Variants in CEP89 observed in about 807,000 individuals in gnomAD.
CEP89 encodes the protein centrosomal protein of 89 kDa.
CEP89 carries 95 observed loss-of-function variants against 97.6 expected under a neutral mutation model. The observed-to-expected ratio is 0.97, with a 90% CI of 0.82 to 1.15. The LOEUF is 1.15. Ranked by LOEUF, CEP89 falls within the 50% of genes most tolerant of loss-of-function variation. The pLI, the probability that CEP89 is intolerant of heterozygous loss-of-function variation, is 0.00. For synonymous variants in CEP89, 354 were observed against 349.1 expected (o/e 1.01, Z -0.16); for missense variants, 869 against 947.7 (o/e 0.92, Z 1.09).
At chr19:32,945,920 C>T (rs576300147) in intron 5 of CEP89, among the ~76,000 whole-genome samples, 9 of 152,240 alleles carry the variant, frequency 5.9e-5, no homozygotes, top group African/African-American at 1.7e-4. Context: ...CTTGGCCACC[C>T]GGCAGGCCAC....
chr19:32,916,549 C>T (rs1263484133), intron 13 of CEP89, among the ~76,000 whole-genome samples: 1 of 152,174 alleles, frequency 6.6e-6, no homozygotes, highest in East Asian at 1.9e-4. Context: ...ATTCTCCTTC[C>T]CTTTCGTCAT....
intron 17 of CEP89, among the ~76,000 whole-genome samples, chr19:32,885,491 C>T (rs944830634): frequency 1.3e-5 from 2 of 148,426 alleles, no homozygotes; most frequent in African/African-American, 5.3e-5. Flanking sequence ...TGGCTAATTG[C>T]TGTATTTTTT....
intron 12 of CEP89, among the ~76,000 whole-genome samples, chr19:32,922,038 A>T (rs749722772): frequency 2.6e-5 from 4 of 152,188 alleles, no homozygotes; most frequent in Non-Finnish European, 5.9e-5. Flanking sequence ...TAGGCTTTTC[A>T]AGACATGTAC....
rs1191698444 is a variant in CEP89 at position 32,879,119 on chromosome 19, C to A, written c.*43G>T. 6.6e-7 allele frequency: 1 copy of A among 1,509,528 alleles called. No individual in the cohort carries two copies. Among genetic ancestry groups the A allele is most frequent in the African/African-American group, 1.4e-5 (1 of 72,694 alleles). The allele number at this position is 1,509,528 out of a possible 1,614,324, so 93.5% of individuals were successfully genotyped here. On this transcript the variant is annotated 3_prime_UTR_variant, in exon 19 of 19. Coordinates refer to ENST00000305768, the MANE Select transcript of CEP89 (RefSeq NM_032816.5). ...GCAGGGAAGGCCTGTGTGAGGCAGA[C>A]CTTTCAGGCCAGAGGAGGCTACACC...
At chr19:32,929,696 G>C (rs904629085) in intron 9 of CEP89, among the ~76,000 whole-genome samples, 1 of 152,160 alleles carries the variant, frequency 6.6e-6, no homozygotes, top group African/African-American at 2.4e-5. Context: ...CAGGGCAGAA[G>C]ACAACATGGG....
intron 17 of CEP89, among the ~76,000 whole-genome samples, chr19:32,883,952 T>C (rs1312063770): frequency 1.3e-5 from 2 of 152,212 alleles, no homozygotes; most frequent in African/African-American, 2.4e-5. Flanking sequence ...CTGTGTTATT[T>C]AGCGCATAGA....
At chr19:32,955,577 G>A (rs535225154) in intron 3 of CEP89, among the ~76,000 whole-genome samples, 4 of 151,544 alleles carry the variant, frequency 2.6e-5, no homozygotes, top group Non-Finnish European at 4.4e-5. Flanking sequence ...GTGGTGGCGC[G>A]ATCTCAGTGC....
chr19:32,894,942 C>G (rs1044048468), intron 16 of CEP89, among the ~76,000 whole-genome samples: 1 of 152,136 alleles, frequency 6.6e-6, no homozygotes, highest in Non-Finnish European at 1.5e-5. Context: ...AAATAGAAAA[C>G]TTGAACAGAC....
chr19:32,896,899 G>A (rs1301309147), intron 16 of CEP89, among the ~76,000 whole-genome samples: 1 of 151,556 alleles, frequency 6.6e-6, no homozygotes, highest in Non-Finnish European at 1.5e-5. Flanking sequence ...ATACAAATGG[G>A]CAACAGGCAT....
At chr19:32,933,274 A>C (rs1970512888) in intron 8 of CEP89, among the ~76,000 whole-genome samples, 177 bp downstream of exon 8, 1 of 152,188 alleles carries the variant, frequency 6.6e-6, no homozygotes, top group Non-Finnish European at 1.5e-5. Flanking sequence ...CTTTAGTGTA[A>C]TAATGATATA....
chr19:32,951,825 TC>T (rs368301362), intron 4 of CEP89, among the ~76,000 whole-genome samples: 2 of 152,118 alleles, frequency 1.3e-5, no homozygotes, highest in African/African-American at 4.8e-5. Flanking sequence ...AAAATATCTG[TC>T]CTTCTAGCAA....
chr19:32,954,153 G>A (rs754215867), intron 3 of CEP89, among the ~76,000 whole-genome samples: 3 of 151,630 alleles, frequency 2.0e-5, no homozygotes, highest in Non-Finnish European at 2.9e-5. Context: ...GATTACAGGC[G>A]TGAGCCACTG....
rs190741677 is a variant in CEP89 at position 32,936,501 on chromosome 19, G to A, written c.667+1130C>T. Among the ~76,000 whole-genome samples the A allele has an allele frequency of 2.6e-5, 4 of 152,222 alleles. No homozygotes were observed. The highest frequency in any genetic ancestry group is 6.5e-5 in the Admixed American group (1 of 15,286). On this transcript the variant is annotated intron_variant, in intron 7 of 18. Transcript: ENST00000305768. The surrounding 1 kb of genome is among the most constrained non-coding windows in gnomAD (Gnocchi z 4.5). ...GGAGAGGGCCTGAAGGCTGGGGACC[G>A]GGTTGCCTGTCCCGTGGGACTGCAG...
chr19:32,970,433 T>C (rs114084780), intron 1 of CEP89: 32 of 152,124 alleles, frequency 2.1e-4, no homozygotes, highest in African/African-American at 7.5e-4. Context: ...GGTGAGAGGA[T>C]TGCTTGAGCC....
At chr19:32,962,799 T>C (rs1971197758) in intron 2 of CEP89, among the ~76,000 whole-genome samples, 1 of 152,168 alleles carries the variant, frequency 6.6e-6, no homozygotes, top group Non-Finnish European at 1.5e-5. Context: ...GGCTGTGATG[T>C]CTCCAGGAAA....
At chr19:32,930,194 T>G (rs1970443246) in intron 9 of CEP89, among the ~76,000 whole-genome samples, 1 of 151,764 alleles carries the variant, frequency 6.6e-6, no homozygotes, top group Admixed American at 6.6e-5. Context: ...CCTGGCTAAT[T>G]TTTTTGTATT....
chr19:32,955,454 C>A (rs565193928), intron 3 of CEP89, among the ~76,000 whole-genome samples: 143 of 152,280 alleles, frequency 9.4e-4, no homozygotes, highest in Non-Finnish European at 8.2e-4. Flanking sequence ...GTGCAGATAA[C>A]CCCTACTGTA....
chr19:32,936,658 C>A lies in CEP89; in HGVS notation c.667+973G>T, dbSNP rs1181340680. 2.0e-5 allele frequency among the ~76,000 whole-genome samples: 3 copies of A among 152,132 alleles called. No individual in the cohort carries two copies. The highest frequency in any genetic ancestry group is 4.4e-5 in the Non-Finnish European group (3 of 67,994). ...GCAGAGCAGATGAGATGACCAGCTG[C>A]AGAGAGGAGTTCCCCTCTCTGCTGA... On this transcript the variant is annotated intron_variant, in intron 7 of 18. Transcript: ENST00000305768. This position sits in a 1 kb window ranked among gnomAD's most constrained non-coding sequence, Gnocchi z 4.5.
intron 6 of CEP89, 72 bp downstream of exon 6, chr19:32,939,785 G>A (rs1970650634): frequency 2.7e-6 from 2 of 743,314 alleles, no homozygotes; most frequent in Admixed American, 6.1e-5. Flanking sequence ...CAAAGTTGTT[G>A]AAAATTTATG....
Sources: allele counts gnomAD v4.1 joint callset (sites outside exome capture counted in the v4.1 genomes callset), GRCh38; gene constraint gnomAD v4.1.1; non-coding constraint Gnocchi (gnomAD v3.1); transcripts MANE v1.5; gene names NCBI Gene and HGNC (gene_info 2026-07-23, HGNC 2026-07-21).